QKI: variants seen among roughly 807,000 people sequenced by gnomAD.
The protein encoded by QKI is KH domain-containing RNA-binding protein QKI.
In QKI, 10 loss-of-function variants were observed where a neutral mutation model predicts 39.0. The ratio of observed to expected loss-of-function variants is 0.26; its 90% CI spans 0.16 to 0.43. The LOEUF is 0.43. QKI is among the 20% of genes least tolerant of loss of function. The pLI is 1.00. For missense variants in QKI, 218 were observed against 428.0 expected, an observed-to-expected ratio of 0.51 and a Z score of 4.33; for synonymous variants, 204 against 155.4, an observed-to-expected ratio of 1.31 and a Z score of -2.33.
chr6:163,556,121 G>A (rs1459043935), intron 4 of QKI, among the ~76,000 whole-genome samples: 2 of 152,170 alleles, frequency 1.3e-5, no homozygotes, highest in Non-Finnish European at 2.9e-5. Flanking sequence ...TAAATGATTG[G>A]ATAATGAAGA....
At chr6:163,441,101 G>A (rs1357066904) in intron 1 of QKI, among the ~76,000 whole-genome samples, 7 of 152,110 alleles carry the variant, frequency 4.6e-5, no homozygotes, top group African/African-American at 1.2e-4. Flanking sequence ...CCTGGCAGGA[G>A]CAGCCTTTTC....
chr6:163,512,386 AGAC>A (rs976874152), intron 3 of QKI, among the ~76,000 whole-genome samples: 7 of 151,612 alleles, frequency 4.6e-5, no homozygotes, highest in Admixed American at 4.6e-4. Context: ...GAAAAGAAGA[AGAC>A]TTTCTTATTT....
At chr6:163,472,740 G>T (rs1036136252) in intron 2 of QKI, among the ~76,000 whole-genome samples, 2 of 152,090 alleles carry the variant, frequency 1.3e-5, no homozygotes, top group Non-Finnish European at 2.9e-5. Flanking sequence ...ATTATATGTT[G>T]AAATGAGCAT....
At chr6:163,530,747 A>G (rs982178895) in intron 3 of QKI, among the ~76,000 whole-genome samples, 2 of 151,554 alleles carry the variant, frequency 1.3e-5, no homozygotes, top group African/African-American at 2.4e-5. Flanking sequence ...TTCACACTGC[A>G]CCCCCTCCAA....
intron 4 of QKI, among the ~76,000 whole-genome samples, chr6:163,541,954 G>A (rs929723416): frequency 6.6e-6 from 1 of 151,784 alleles, no homozygotes; most frequent in Non-Finnish European, 1.5e-5. Context: ...TGCATTTTAT[G>A]TGTTTAACTA....
intron 1 of QKI, among the ~76,000 whole-genome samples, chr6:163,417,004 A>T (rs1582942755): frequency 6.6e-6 from 1 of 152,318 alleles, no homozygotes; most frequent in Non-Finnish European, 1.5e-5. Flanking sequence ...AACCATGGAA[A>T]TGGTTGGAAC....
chr6:163,534,840 G>A, intron 3 of QKI, 142 bp from the exon 4 acceptor site: 1 of 663,984 alleles, frequency 1.5e-6, no homozygotes, highest in Admixed American at 3.6e-5. Flanking sequence ...TGAGGACCCA[G>A]AAAAATAATT....
intron 6 of QKI, chr6:163,566,008 T>C: frequency 6.2e-7 from 1 of 1,608,768 alleles, no homozygotes; most frequent in Admixed American, 1.7e-5. Context: ...CCTCATCAGA[T>C]CTGAATTTAA....
intron 3 of QKI, among the ~76,000 whole-genome samples, chr6:163,490,122 G>A (rs937471603): frequency 1.3e-5 from 2 of 152,158 alleles, no homozygotes; most frequent in African/African-American, 4.8e-5. Context: ...AAACAGATGA[G>A]TTGCTTTAGA....
intron 4 of QKI, among the ~76,000 whole-genome samples, chr6:163,545,250 C>T (rs1418337869): frequency 6.6e-6 from 1 of 152,076 alleles, no homozygotes; most frequent in Non-Finnish European, 1.5e-5. Context: ...AAATCCAGTT[C>T]TATATCAGGG....
At chr6:163,487,424 T>C (rs111911610) in intron 3 of QKI, among the ~76,000 whole-genome samples, 1 of 152,348 alleles carries the variant, frequency 6.6e-6, no homozygotes, top group African/African-American at 2.4e-5. Context: ...ACTCTAATGA[T>C]AACGTGTTTG....
At chr6:163,555,509 CAAAA>C (rs55958646) in intron 4 of QKI, among the ~76,000 whole-genome samples, 4 of 79,388 alleles carry the variant, frequency 5.0e-5, no homozygotes, top group African/African-American at 1.1e-4. Context: ...AACTCCAGCT[CAAAA>C]AAAAAAAAAA....
intron 1 of QKI, among the ~76,000 whole-genome samples, chr6:163,430,922 G>A (rs1189802468): frequency 6.6e-6 from 1 of 152,152 alleles, no homozygotes; most frequent in African/African-American, 2.4e-5. Flanking sequence ...AGGATGTGTT[G>A]CCATATTAAG....
chr6:163,554,364 C>T (rs1293599749), intron 4 of QKI, among the ~76,000 whole-genome samples: 3 of 152,284 alleles, frequency 2.0e-5, no homozygotes, highest in Non-Finnish European at 2.9e-5. Context: ...CACAGAAAAC[C>T]GGCTGGCAAA....
At chr6:163,505,705 T>G (rs530305202) in intron 3 of QKI, among the ~76,000 whole-genome samples, 2 of 152,194 alleles carry the variant, frequency 1.3e-5, no homozygotes, top group African/African-American at 2.4e-5. Context: ...TGTTTTTGAT[T>G]CTACAGGCTC....
At chr6:163,429,457 G>T (rs893186210) in intron 1 of QKI, among the ~76,000 whole-genome samples, 9 of 152,094 alleles carry the variant, frequency 5.9e-5, no homozygotes, top group African/African-American at 2.2e-4. Context: ...CAAATATAAT[G>T]TTTATAGTAA....
At chr6:163,524,631 G>C (rs1394086513) in intron 3 of QKI, among the ~76,000 whole-genome samples, 3 of 61,708 alleles carry the variant, frequency 4.9e-5, no homozygotes, top group Non-Finnish European at 9.9e-5. Flanking sequence ...ACCATGCCCG[G>C]CTAATTTTGT....
At position 163,570,654 on chromosome 6, in the gene QKI, C is replaced by CT. The variant is rs753366518; in HGVS notation, c.1010-32dup. On this transcript the variant is annotated intron_variant, in intron 7 of 7. Transcript: ENST00000361752. ...TAATCTCTTCTCTATCTTTTCTTTT[C>CT]TTTTTTTTGTTTTGTTTTTTTTTGT... 2.3e-5 allele frequency: 37 copies of CT among 1,601,396 alleles called. No homozygotes were observed. In the Middle Eastern group the frequency reaches 1.2e-3, roughly 50 times the overall value.
chr6:163,558,078 C>T (rs1222223449), intron 4 of QKI, among the ~76,000 whole-genome samples: 1 of 152,190 alleles, frequency 6.6e-6, no homozygotes. Context: ...CTGCAGGATA[C>T]TTTGTGAACT....
Sources: allele counts gnomAD v4.1 joint callset (sites outside exome capture counted in the v4.1 genomes callset), GRCh38; gene constraint gnomAD v4.1.1; transcripts MANE v1.5; gene names NCBI Gene and HGNC (gene_info 2026-07-23, HGNC 2026-07-21).